SHE: variants seen among roughly 807,000 people sequenced by gnomAD.
The protein encoded by SHE is Src homology 2 domain containing E.
A neutral mutation model predicts 49.8 loss-of-function variants in SHE; 11 were observed. The observed-to-expected ratio is 0.22, with a 90% CI of 0.14 to 0.37. The LOEUF is 0.37. SHE is among the 10% of genes least tolerant of loss of function. The probability of loss-of-function intolerance (pLI) is 1.00; values close to 1 mark genes in which losing one functional copy is unlikely to be tolerated. For synonymous variants in SHE, 310 were observed against 278.1 expected (o/e 1.11, Z -1.14); for missense variants, 624 against 655.5 (o/e 0.95, Z 0.52).
intron 1 of SHE, among the ~76,000 whole-genome samples, chr1:154,472,646 G>A (rs538223143): frequency 6.6e-6 from 1 of 152,212 alleles, no homozygotes; most frequent in Non-Finnish European, 1.5e-5. Context: ...ACAGTAGCAT[G>A]AGTGTAAGTT....
chr1:154,485,981 A>G lies in SHE; in HGVS notation c.1263T>C (p.Asn421=). ...AGTACCTGCTGTTCCCTGACTCACT[A>G]TTTCGAACCAGGTAACCAGCTTCTT... is the stretch of plus-strand genomic sequence containing the variant. The part of the protein sequence containing the change: ...PCKEAGYLVR[N]SESGNSRYSI... The change falls in exon 5 of 6, where the codon AAT becomes AAC. Residue 421 remains asparagine, a synonymous_variant. Coordinates refer to ENST00000304760, the MANE Select transcript of SHE (RefSeq NM_001010846.3). 1 of 1,614,018 alleles carries G rather than the reference A, an allele frequency of 6.2e-7. No homozygotes were observed. Among genetic ancestry groups the G allele is most frequent in the South Asian group, 1.1e-5 (1 of 91,070 alleles).
At chr1:154,489,457 C>A in intron 2 of SHE, 101 bp from the exon 3 acceptor site, 1 of 1,383,116 alleles carries the variant, frequency 7.2e-7, no homozygotes, top group East Asian at 2.3e-5. Context: ...TGCCTCAGCA[C>A]CTCTGTCTGT....
At chr1:154,489,493 A>G in intron 2 of SHE, 137 bp from the exon 3 acceptor site, 1 of 1,073,456 alleles carries the variant, frequency 9.3e-7, no homozygotes, top group Non-Finnish European at 1.3e-6. Flanking sequence ...AGATAACTCC[A>G]AGATTGCTCC....
At chr1:154,495,185 C>T (rs1393892833) in intron 2 of SHE, among the ~76,000 whole-genome samples, 1 of 152,226 alleles carries the variant, frequency 6.6e-6, no homozygotes, top group Non-Finnish European at 1.5e-5. Context: ...CTCATGCTAA[C>T]TAGCCAATGG....
At chr1:154,470,426 T>C in intron 1 of SHE, 2 of 1,276,996 alleles carry the variant, frequency 1.6e-6, no homozygotes, top group Admixed American at 2.3e-5. Context: ...ATTTTCCTTA[T>C]TTACTGAGGC....
chr1:154,479,846 T>C lies in SHE; in HGVS notation c.*4303A>G. On this transcript the variant is annotated 3_prime_UTR_variant, in exon 6 of 6. Coordinates refer to ENST00000304760, the MANE Select transcript of SHE (RefSeq NM_001010846.3). ...TCCAGGGACCTTGTGATGATAGTTG[T>C]ATTAGACTTCAAAACACCCTTTCCG... 3.0e-6 allele frequency: 3 copies of C among 985,422 alleles called. No homozygotes were observed. The highest frequency in any genetic ancestry group is 3.6e-6 in the Non-Finnish European group (3 of 829,920). The allele number at this position is 985,422 out of a possible 1,614,324, so 61.0% of individuals were successfully genotyped here.
chr1:154,496,608 G>A (rs1231773843), intron 2 of SHE, among the ~76,000 whole-genome samples: 3 of 152,026 alleles, frequency 2.0e-5, no homozygotes, highest in Admixed American at 6.6e-5. Context: ...TGGGAGATCC[G>A]GGTGCTAATT....
At chr1:154,500,852 A>G (rs1238879071) in intron 1 of SHE, among the ~76,000 whole-genome samples, 1 of 152,088 alleles carries the variant, frequency 6.6e-6, no homozygotes, top group East Asian at 1.9e-4. Flanking sequence ...TCCTTTCCTC[A>G]TATGGCTGCT....
chr1:154,491,418 T>C (rs768759879), intron 2 of SHE, among the ~76,000 whole-genome samples: 28 of 152,182 alleles, frequency 1.8e-4, no homozygotes, highest in Non-Finnish European at 3.1e-4. Flanking sequence ...CCCACCGGTG[T>C]CCTGGCGATC....
intron 2 of SHE, among the ~76,000 whole-genome samples, chr1:154,498,395 C>CTT (rs779336870): frequency 2.2e-5 from 3 of 133,740 alleles, no homozygotes; most frequent in South Asian, 4.8e-4. Flanking sequence ...TGCGCCTGGC[C>CTT]TTTTTTTTTT....
At chr1:154,497,925 G>A (rs1191543439) in intron 2 of SHE, among the ~76,000 whole-genome samples, 2 of 151,450 alleles carry the variant, frequency 1.3e-5, no homozygotes, top group Non-Finnish European at 1.5e-5. Context: ...TCAGGTGATC[G>A]GCCCACCTCG....
At position 154,495,039 on chromosome 1, in the gene SHE, G is replaced by A. The variant is rs897326614; in HGVS notation, c.718+4073C>T. On this transcript the variant is annotated intron_variant, in intron 2 of 5. Coordinates refer to ENST00000304760, the MANE Select transcript of SHE (RefSeq NM_001010846.3). Reference sequence around the variant, plus strand: ...TGCACTCCAGCCTGGGCGACACAGCGAGACTCCGTCTCAAAAAAACAAACA... The same window carrying A: ...TGCACTCCAGCCTGGGCGACACAGCAAGACTCCGTCTCAAAAAAACAAACA... 5.3e-5 allele frequency among the ~76,000 whole-genome samples: 8 copies of A among 152,344 alleles called. No individual in the cohort carries two copies. The East Asian group carries it at 5.8e-4, about 11-fold the overall frequency.
chr1:154,482,986 A>G lies in SHE; in HGVS notation c.*1163T>C. Reference sequence around the variant, plus strand: ...TCCATAGCAACTAAAATGCCCAATGATGATGAAACAAAAGACATCGAAGTT... The same window carrying G: ...TCCATAGCAACTAAAATGCCCAATGGTGATGAAACAAAAGACATCGAAGTT... On this transcript the variant is annotated 3_prime_UTR_variant, in exon 6 of 6. Coordinates refer to ENST00000304760, the MANE Select transcript of SHE (RefSeq NM_001010846.3). The G allele has an allele frequency of 1.0e-6, 1 of 984,952 alleles. No individual in the cohort carries two copies. Among genetic ancestry groups the G allele is most frequent in the Non-Finnish European group, 1.2e-6 (1 of 829,488 alleles). 61.0% of individuals were successfully genotyped at this position (984,952 alleles called of 1,614,324 possible).
chr1:154,477,890 C>CAAAAAA (rs35912019), downstream of SHE, among the ~76,000 whole-genome samples: 7 of 104,340 alleles, frequency 6.7e-5, no homozygotes, highest in Non-Finnish European at 1.1e-4. Flanking sequence ...GACACTGTCT[C>CAAAAAA]AAAAAAAAAA....
chr1:154,499,065 C>G, intron 2 of SHE, 47 bp downstream of exon 2: 1 of 1,604,226 alleles, frequency 6.2e-7, no homozygotes, highest in Non-Finnish European at 8.5e-7. Context: ...ACAACACTCA[C>G]TGAGTGTGAG....
At chr1:154,493,794 T>C (rs1692442822) in intron 2 of SHE, among the ~76,000 whole-genome samples, 1 of 152,218 alleles carries the variant, frequency 6.6e-6, no homozygotes, top group Non-Finnish European at 1.5e-5. Context: ...GGAAATATAA[T>C]TGTCTCTGGA....
chr1:154,486,370 T>C (rs1020495695), intron 4 of SHE, among the ~76,000 whole-genome samples, 157 bp downstream of exon 4: 4 of 152,346 alleles, frequency 2.6e-5, no homozygotes, highest in Non-Finnish European at 5.9e-5. Flanking sequence ...TTTTGCACAA[T>C]GCACTGGGCT....
downstream of SHE, among the ~76,000 whole-genome samples, chr1:154,476,959 G>C (rs547199097): frequency 6.6e-6 from 1 of 152,118 alleles, no homozygotes; most frequent in African/African-American, 2.4e-5. Context: ...TTCACAAAGG[G>C]GAAGTAATTC....
At chr1:154,491,318 C>A (rs943805577) in intron 2 of SHE, among the ~76,000 whole-genome samples, 3 of 152,194 alleles carry the variant, frequency 2.0e-5, no homozygotes, top group African/African-American at 4.8e-5. Context: ...AATTTCTCAA[C>A]ACTACCCTGC....
Sources: allele counts gnomAD v4.1 joint callset (sites outside exome capture counted in the v4.1 genomes callset), GRCh38; gene constraint gnomAD v4.1.1; transcripts MANE v1.5; gene names NCBI Gene and HGNC (gene_info 2026-07-23, HGNC 2026-07-21).